Variants in MBP observed in about 807,000 individuals in gnomAD.
The protein encoded by MBP is myelin basic protein, also known as Golli-MBP.
A neutral mutation model predicts 35.8 loss-of-function variants in MBP; 16 were observed. That is an observed-to-expected ratio of 0.45 (90% CI 0.30 to 0.68). The LOEUF (loss-of-function observed/expected upper bound fraction) is 0.68, where lower values mean the gene tolerates loss of function less well. MBP is among the 30% of genes least tolerant of loss of function. The pLI, the probability that MBP is intolerant of heterozygous loss-of-function variation, is 0.08. For synonymous variants in MBP, 143 were observed against 159.6 expected, an observed-to-expected ratio of 0.90 and a Z score of 0.78; for missense variants, 380 against 404.7, an observed-to-expected ratio of 0.94 and a Z score of 0.52.
chr18:77,031,097 A>T (rs1477617404), intron 3 of MBP, among the ~76,000 whole-genome samples: 1 of 152,224 alleles, frequency 6.6e-6, no homozygotes, highest in East Asian at 1.9e-4. Flanking sequence ...TCCTATTTTC[A>T]GAAAATCAAA....
chr18:77,085,683 GTTT>G (rs10645727), intron 2 of MBP, among the ~76,000 whole-genome samples: 3 of 124,246 alleles, frequency 2.4e-5, no homozygotes, highest in Non-Finnish European at 1.6e-5. Context: ...AGTGCAATAA[GTTT>G]TTTTTTTTTT....
At chr18:77,025,843 C>A (rs1972198356) in intron 3 of MBP, among the ~76,000 whole-genome samples, 1 of 152,078 alleles carries the variant, frequency 6.6e-6, no homozygotes, top group African/African-American at 2.4e-5. Flanking sequence ...CCAGGCACAC[C>A]CCACACCCTG....
chr18:76,990,708 G>C (rs373323823), intron 4 of MBP: 1 of 168,894 alleles, frequency 5.9e-6, no homozygotes, highest in Non-Finnish European at 1.3e-5. Flanking sequence ...TGCAAATTAG[G>C]GTGTGTGTGT....
chr18:77,020,969 C>T lies in MBP; in HGVS notation c.140-3701G>A, dbSNP rs1971964548. On this transcript the variant is annotated intron_variant, in intron 3 of 8. Coordinates refer to ENST00000355994, the MANE Select transcript of MBP (RefSeq NM_001025101.2). The surrounding 1 kb of genome is among the most constrained non-coding windows in gnomAD (Gnocchi z 4.1). Reference sequence around the variant, plus strand: ...GATGTTTCTCATGTGGTTTGGTTCACACTAAAAATACTTTGAGGGCATTTC... The same window carrying T: ...GATGTTTCTCATGTGGTTTGGTTCATACTAAAAATACTTTGAGGGCATTTC... Among the ~76,000 whole-genome samples the T allele has an allele frequency of 6.6e-6, 1 of 152,216 alleles. No homozygotes were observed. Among genetic ancestry groups the T allele is most frequent in the Non-Finnish European group, 1.5e-5 (1 of 68,048 alleles).
At chr18:77,023,227 T>C (rs1310635500) in intron 3 of MBP, among the ~76,000 whole-genome samples, 1 of 152,156 alleles carries the variant, frequency 6.6e-6, no homozygotes, top group Non-Finnish European at 1.5e-5. Flanking sequence ...AGCTGTGATA[T>C]GTGGGGGATA....
chr18:77,104,891 T>C (rs749110391), intron 2 of MBP, among the ~76,000 whole-genome samples: 2 of 152,160 alleles, frequency 1.3e-5, no homozygotes, highest in South Asian at 4.1e-4. Context: ...CCTCTTTCTC[T>C]TTCTTCTTCT....
At chr18:77,029,029 A>G (rs757604269) in intron 3 of MBP, among the ~76,000 whole-genome samples, 2 of 108,086 alleles carry the variant, frequency 1.9e-5, no homozygotes, top group African/African-American at 5.3e-5. Flanking sequence ...CAGAGGCTGC[A>G]ATCTCGGCAC....
chr18:77,077,689 C>T (rs113618179), intron 2 of MBP, among the ~76,000 whole-genome samples: 4 of 152,210 alleles, frequency 2.6e-5, no homozygotes, highest in African/African-American at 9.7e-5. Context: ...GTCCTGCACC[C>T]ACGAGATTCT....
At chr18:77,029,927 T>C (rs1336006563) in intron 3 of MBP, among the ~76,000 whole-genome samples, 1 of 152,152 alleles carries the variant, frequency 6.6e-6, no homozygotes, top group Non-Finnish European at 1.5e-5. Flanking sequence ...TCCACAGATA[T>C]CCTTCTTGTA....
At chr18:77,069,410 C>T (rs1181362005) in intron 2 of MBP, among the ~76,000 whole-genome samples, 3 of 152,178 alleles carry the variant, frequency 2.0e-5, no homozygotes, top group Non-Finnish European at 2.9e-5. Flanking sequence ...TCACTAATTA[C>T]AAAATAATAA....
At chr18:77,119,942 T>C (rs1976838324) in intron 1 of MBP, among the ~76,000 whole-genome samples, 1 of 152,090 alleles carries the variant, frequency 6.6e-6, no homozygotes, top group African/African-American at 2.4e-5. Flanking sequence ...GGGAGAGGCC[T>C]GGGCGCAGTG....
At chr18:76,993,037 G>C (rs901770949) in intron 4 of MBP, among the ~76,000 whole-genome samples, 2 of 152,186 alleles carry the variant, frequency 1.3e-5, no homozygotes, top group Non-Finnish European at 2.9e-5. Flanking sequence ...TCAGCACTGC[G>C]AGCTCTGTTT....
At chr18:77,013,127 A>T (rs1296140753) in intron 4 of MBP, 1 of 985,354 alleles carries the variant, frequency 1.0e-6, no homozygotes, top group African/African-American at 1.7e-5. Context: ...AGGAATGCCT[A>T]TAAGAAATCT....
intron 8 of MBP, 174 bp downstream of exon 8, chr18:76,984,601 C>T: frequency 1.3e-6 from 1 of 790,142 alleles, no homozygotes; most frequent in Non-Finnish European, 2.0e-6. Flanking sequence ...GAAATCCACG[C>T]GTAAATGCGG....
chr18:77,104,295 G>A (rs1976167526), intron 2 of MBP, among the ~76,000 whole-genome samples: 1 of 152,356 alleles, frequency 6.6e-6, no homozygotes, highest in East Asian at 1.9e-4. Flanking sequence ...GCCCACGTCT[G>A]CATTGGGATC....
At chr18:77,126,726 G>A (rs1486037750) in intron 1 of MBP, among the ~76,000 whole-genome samples, 1 of 152,144 alleles carries the variant, frequency 6.6e-6, no homozygotes, top group Non-Finnish European at 1.5e-5. Context: ...ATTACTCACA[G>A]TTCTACCTAC....
intron 3 of MBP, among the ~76,000 whole-genome samples, chr18:77,031,393 C>T (rs1972536532): frequency 6.6e-6 from 1 of 152,218 alleles, no homozygotes; most frequent in African/African-American, 2.4e-5. Context: ...CTGCTCAGAG[C>T]CTCCACCCTC....
At chr18:77,070,101 C>T (rs189643974) in intron 2 of MBP, among the ~76,000 whole-genome samples, 3 of 152,264 alleles carry the variant, frequency 2.0e-5, no homozygotes, top group East Asian at 1.9e-4. Flanking sequence ...AAGGTCTACT[C>T]GCAAAACAAA....
At chr18:76,985,468 C>A in intron 7 of MBP, 1 of 1,186,904 alleles carries the variant, frequency 8.4e-7, no homozygotes, top group Non-Finnish European at 1.1e-6. Flanking sequence ...AGTAAAATGT[C>A]GAGCCTCGTA....
Sources: gnomAD v4.1 joint callset for allele counts (sites outside exome capture counted in the v4.1 genomes callset) on GRCh38, gnomAD v4.1.1 for gene constraint, Gnocchi (gnomAD v3.1) non-coding constraint, MANE v1.5 for transcripts, NCBI Gene and HGNC (gene_info 2026-07-23, HGNC 2026-07-21) for gene names.